MARCHF6: variants seen among roughly 807,000 people sequenced by gnomAD.
MARCHF6 encodes membrane associated ring-CH-type finger 6.
In MARCHF6, 31 loss-of-function variants were observed where a neutral mutation model predicts 133.7. The observed-to-expected ratio is 0.23, with a 90% confidence interval of 0.17 to 0.31. The LOEUF (loss-of-function observed/expected upper bound fraction) is 0.31, where lower values mean the gene tolerates loss of function less well. MARCHF6 is among the 10% of genes least tolerant of loss of function. The pLI is 1.00. For synonymous variants in MARCHF6, 395 were observed against 402.5 expected (o/e 0.98, Z 0.22); for missense variants, 723 against 1,121.6 (o/e 0.64, Z 5.08).
chr5:10,363,929 G>C (rs1735974230), intron 1 of MARCHF6, among the ~76,000 whole-genome samples: 2 of 152,158 alleles, frequency 1.3e-5, no homozygotes, highest in Admixed American at 1.3e-4. Context: ...AGAAATTAGT[G>C]GTTGTCTGGA....
rs906897812 is a variant in MARCHF6 at position 10,353,908 on chromosome 5, G to A, written c.10G>A (p.Ala4Thr). Residue 4 changes from alanine to threonine, a missense_variant, in exon 1 of 26, where the codon GCG becomes ACG. Transcript: ENST00000274140. MDTAEEDICRVCRS... is the reference protein window; with the variant it reads MDTTEEDICRVCRS... ...CGCCCCCCCAGACAAGATGGACACC[G>A]CGGAGGAAGGTAAGTCGGCGACGCG... The A allele has an allele frequency of 1.9e-6, 3 of 1,563,564 alleles. No homozygotes were observed. Among genetic ancestry groups the A allele is most frequent in the Middle Eastern group, 1.7e-4 (1 of 6,016 alleles).
rs773829273 is a variant in MARCHF6, at chr5:10,414,512, T to C, written c.1966+10T>C. ...TGCCTTACTTTACCAGGTATGAGCT[T>C]GTGCTAGCCTTCAGCTAATAGCATC... On this transcript the variant is annotated intron_variant, in intron 20 of 25. Transcript: ENST00000274140. 1 of 1,602,888 alleles carries C rather than the reference T, an allele frequency of 6.2e-7. No homozygotes were observed. Among genetic ancestry groups the C allele is most frequent in the Admixed American group, 1.7e-5 (1 of 59,822 alleles).
At chr5:10,367,141 G>C (rs1381906007) in intron 1 of MARCHF6, among the ~76,000 whole-genome samples, 2 of 152,092 alleles carry the variant, frequency 1.3e-5, no homozygotes, top group Non-Finnish European at 2.9e-5. Flanking sequence ...AATTGTCAAG[G>C]TCGTCAGAAA....
At chr5:10,421,996 A>G (rs555947245) in intron 22 of MARCHF6, 1 of 152,246 alleles carries the variant, frequency 6.6e-6, no homozygotes, top group African/African-American at 2.4e-5. Flanking sequence ...GTTTGACAGC[A>G]CTGCTTGCAG....
At chr5:10,371,537 C>T (rs993248332) in intron 1 of MARCHF6, among the ~76,000 whole-genome samples, 1 of 152,164 alleles carries the variant, frequency 6.6e-6, no homozygotes, top group African/African-American at 2.4e-5. Flanking sequence ...GGGGGAACTC[C>T]TGTTTTTCAA....
chr5:10,385,334 C>T (rs1737401274), intron 4 of MARCHF6, among the ~76,000 whole-genome samples: 1 of 151,748 alleles, frequency 6.6e-6, no homozygotes, highest in African/African-American at 2.4e-5. Context: ...TTAATAAAGA[C>T]ATAACAAAAC....
intron 16 of MARCHF6, among the ~76,000 whole-genome samples, chr5:10,406,644 T>C (rs890300598): frequency 1.1e-4 from 17 of 152,102 alleles, no homozygotes; most frequent in Admixed American, 8.5e-4. Flanking sequence ...CACCTCAGCC[T>C]CCCAAAGTGC....
chr5:10,424,871 C>G (rs990180735), intron 23 of MARCHF6, among the ~76,000 whole-genome samples: 4 of 152,110 alleles, frequency 2.6e-5, no homozygotes, highest in Non-Finnish European at 5.9e-5. Context: ...GTGGGAATAC[C>G]TTGGAAAAGG....
At chr5:10,405,343 A>G (rs1738818917) in intron 15 of MARCHF6, among the ~76,000 whole-genome samples, 1 of 152,104 alleles carries the variant, frequency 6.6e-6, no homozygotes, top group Non-Finnish European at 1.5e-5. Flanking sequence ...CCCCTAGTGA[A>G]TGATGATGTC....
intron 16 of MARCHF6, 133 bp from the exon 17 acceptor site, chr5:10,406,969 A>C: frequency 2.0e-6 from 1 of 499,042 alleles, no homozygotes; most frequent in South Asian, 4.6e-5. Flanking sequence ...TAATGTGTAG[A>C]GTGGGAACCG....
At chr5:10,360,890 C>A (rs1057417495) in intron 1 of MARCHF6, among the ~76,000 whole-genome samples, 7 of 152,200 alleles carry the variant, frequency 4.6e-5, no homozygotes, top group Non-Finnish European at 1.0e-4. Flanking sequence ...GCTGGGCTAT[C>A]CTCTTCCAGA....
chr5:10,419,373 A>C (rs777253948), intron 22 of MARCHF6, among the ~76,000 whole-genome samples: 4 of 152,184 alleles, frequency 2.6e-5, no homozygotes, highest in Non-Finnish European at 5.9e-5. Flanking sequence ...TTGCCCAACT[A>C]TAGGCTAATG....
rs1740715196 is a variant in MARCHF6 at position 10,438,001 on chromosome 5, A to G, written c.*4317A>G. On this transcript the variant is annotated 3_prime_UTR_variant, in exon 26 of 26. Coordinates refer to ENST00000274140, the MANE Select transcript of MARCHF6 (RefSeq NM_005885.4). ...TGACTGTGGCGACTCCCTTTTATGT[A>G]TACATTTAAATGCATAGTTGCAGAG... 1 of 152,780 alleles carries G rather than the reference A, an allele frequency of 6.5e-6. No individual in the cohort carries two copies. Among genetic ancestry groups the G allele is most frequent in the Admixed American group, 6.5e-5 (1 of 15,292 alleles). 9.5% of individuals were successfully genotyped at this position (152,780 alleles called of 1,614,324 possible). A position where few individuals can be genotyped will look rare whatever the true frequency, so the allele number is the denominator to read the frequency against.
intron 3 of MARCHF6, among the ~76,000 whole-genome samples, chr5:10,380,193 T>TG (rs1561111633): frequency 7.2e-6 from 1 of 138,506 alleles, no homozygotes; most frequent in African/African-American, 2.8e-5. Context: ...GTGTGTGTGT[T>TG]TAAGCATCTT....
In MARCHF6 at chr5:10,436,095, G is replaced by A. The variant is rs1390550998; in HGVS notation, c.*2411G>A. On this transcript the variant is annotated 3_prime_UTR_variant, in exon 26 of 26. Transcript: ENST00000274140. ...ATTTTTCAAAGAATTTGTGGATCTT[G>A]GTATAAAGTCATTGGAACATATCTG... 1.3e-5 allele frequency: 2 copies of A among 151,904 alleles called. No individual in the cohort carries two copies. The highest frequency in any genetic ancestry group is 2.9e-5 in the Non-Finnish European group (2 of 68,062). The allele number at this position is 151,904 out of a possible 1,614,324, so 9.4% of individuals were successfully genotyped here. A position where few individuals can be genotyped will look rare whatever the true frequency, so the allele number is the denominator to read the frequency against.
Position 10,362,196 on chromosome 5 carries a change from T to C in MARCHF6, c.19+8279T>C, listed in dbSNP as rs1309272730. Among the ~76,000 whole-genome samples the C allele has an allele frequency of 3.9e-5, 6 of 152,262 alleles. No individual in the cohort carries two copies. In the East Asian group the frequency reaches 1.2e-3, roughly 29 times the overall value. ...CCCTGTTTAGGGTGCAGTTCTGTTA[T>C]AACACTTTTGAAATAGAATATTGGA... On this transcript the variant is annotated intron_variant, in intron 1 of 25. Transcript: ENST00000274140.
At chr5:10,355,321 G>A (rs914646982) in intron 1 of MARCHF6, among the ~76,000 whole-genome samples, 2 of 152,156 alleles carry the variant, frequency 1.3e-5, no homozygotes, top group African/African-American at 4.8e-5. Context: ...ATCTACATAG[G>A]TTTCACATCC....
At chr5:10,354,484 CTT>C (rs988658600) in intron 1 of MARCHF6, among the ~76,000 whole-genome samples, 3 of 152,110 alleles carry the variant, frequency 2.0e-5, no homozygotes, top group African/African-American at 7.2e-5. Context: ...CGGGGAGGCT[CTT>C]TTGTTGCGAT....
chr5:10,415,774 T>C (rs1579607365), intron 21 of MARCHF6, 105 bp downstream of exon 21: 5 of 953,342 alleles, frequency 5.2e-6, no homozygotes, highest in African/African-American at 1.7e-5. Context: ...CTTACTATAT[T>C]GTTTCAAGAG....
Sources: gnomAD v4.1 joint callset for allele counts (sites outside exome capture counted in the v4.1 genomes callset) on GRCh38, gnomAD v4.1.1 for gene constraint, MANE v1.5 for transcripts, NCBI Gene and HGNC (gene_info 2026-07-23, HGNC 2026-07-21) for gene names.